Variants in PGPEP1L observed in about 807,000 individuals in gnomAD.
The protein encoded by PGPEP1L is pyroglutamyl-peptidase I like.
Under a neutral mutation model 6.0 loss-of-function variants are expected in PGPEP1L, and 7 were observed. The observed-to-expected ratio is 1.17, with a 90% CI of 0.66 to 2.19. The LOEUF (loss-of-function observed/expected upper bound fraction) is 2.19, where lower values mean the gene tolerates loss of function less well. Ranked by LOEUF, PGPEP1L falls within the 30% of genes most tolerant of loss-of-function variation. PGPEP1L has a pLI of 0.00. For synonymous variants in PGPEP1L, 103 were observed against 83.9 expected, an observed-to-expected ratio of 1.23 and a Z score of -1.24; for missense variants, 209 against 192.5, an observed-to-expected ratio of 1.09 and a Z score of -0.51.
At chr15:98,971,465 G>A (rs960733728) in intron 2 of PGPEP1L, among the ~76,000 whole-genome samples, 2 of 152,078 alleles carry the variant, frequency 1.3e-5, no homozygotes, top group Non-Finnish European at 2.9e-5. Flanking sequence ...CTGCGCTCCA[G>A]CCTGGGTGAC....
chr15:99,000,021 C>T (rs540022605), intron 2 of PGPEP1L, among the ~76,000 whole-genome samples: 1 of 152,364 alleles, frequency 6.6e-6, no homozygotes, highest in East Asian at 1.9e-4. Flanking sequence ...CCAGCGCCAG[C>T]TCTCTCAGCT....
chr15:98,968,229 T>G lies in PGPEP1L; in HGVS notation c.*249A>C. 2.2e-6 allele frequency: 1 copy of G among 448,930 alleles called. No homozygotes were observed. Among genetic ancestry groups the G allele is most frequent in the African/African-American group, 2.0e-5 (1 of 50,646 alleles). The allele number at this position is 448,930 out of a possible 1,614,324, so 27.8% of individuals were successfully genotyped here. On this transcript the variant is annotated 3_prime_UTR_variant, in exon 5 of 5. Coordinates refer to ENST00000535714, the MANE Select transcript of PGPEP1L (RefSeq NM_001167902.2). ...GTGTAGATTTTTGGAAGAAAACAGA[T>G]GACTCGGATTTCATTTTATTGTCAT...
At chr15:98,980,520 T>TA (rs1855644041) in intron 2 of PGPEP1L, among the ~76,000 whole-genome samples, 2 of 152,210 alleles carry the variant, frequency 1.3e-5, no homozygotes, top group South Asian at 4.1e-4. Context: ...GCACTTGCAC[T>TA]CCCAGTAACC....
chr15:99,005,524 C>T lies in PGPEP1L; in HGVS notation c.-237G>A, dbSNP rs368510643. 6.6e-6 allele frequency: 1 copy of T among 152,338 alleles called. No individual in the cohort carries two copies. The highest frequency in any genetic ancestry group is 2.4e-5 in the African/African-American group (1 of 41,476). 9.4% of individuals were successfully genotyped at this position (152,338 alleles called of 1,614,324 possible). Reference sequence around the variant, plus strand: ...CTCAGGCAGCGGCCCAGCGGCCGGGCTCTGCGCGCTCTGAGCTCCGGGCAC... The same window carrying T: ...CTCAGGCAGCGGCCCAGCGGCCGGGTTCTGCGCGCTCTGAGCTCCGGGCAC... On this transcript the variant is annotated 5_prime_UTR_variant, in exon 2 of 5. Coordinates refer to ENST00000535714, the MANE Select transcript of PGPEP1L (RefSeq NM_001167902.2).
At chr15:99,001,010 G>A (rs559961300) in intron 2 of PGPEP1L, among the ~76,000 whole-genome samples, 186 of 152,090 alleles carry the variant, frequency 1.2e-3, no homozygotes, top group African/African-American at 4.2e-3. Context: ...CCACTGGGAG[G>A]AATGAACTCC....
intron 2 of PGPEP1L, among the ~76,000 whole-genome samples, chr15:98,995,583 C>G (rs1459368321): frequency 1.3e-5 from 2 of 152,150 alleles, no homozygotes; most frequent in Non-Finnish European, 2.9e-5. Flanking sequence ...GTAATCCCAG[C>G]TACTTGGGAG....
chr15:98,985,519 CAG>C (rs975795122), intron 2 of PGPEP1L, among the ~76,000 whole-genome samples: 2 of 152,206 alleles, frequency 1.3e-5, no homozygotes, highest in African/African-American at 4.8e-5. Context: ...GCCTGGGCAA[CAG>C]AACAAGACTC....
At position 99,007,745 on chromosome 15, in the gene PGPEP1L, A is replaced by G. The variant is rs1266145446; in HGVS notation, c.-756T>C. The G allele has an allele frequency of 6.6e-6, 1 of 152,292 alleles. No homozygotes were observed. The highest frequency in any genetic ancestry group is 1.5e-5 in the Non-Finnish European group (1 of 68,082). 9.4% of individuals were successfully genotyped at this position (152,292 alleles called of 1,614,324 possible). On this transcript the variant is annotated 5_prime_UTR_variant, in exon 1 of 5. Transcript: ENST00000535714. ...GCAGCAACGGTTATTGCAAACAAGC[A>G]AAACAACAAAACTTCCACAGCACAG... is the stretch of plus-strand genomic sequence containing the variant.
At chr15:98,973,020 T>C (rs1041299030) in intron 2 of PGPEP1L, among the ~76,000 whole-genome samples, 1 of 151,532 alleles carries the variant, frequency 6.6e-6, no homozygotes, top group East Asian at 1.9e-4. Flanking sequence ...TGACAAGATA[T>C]TCCATGCAAA....
chr15:99,006,885 T>C (rs1301261617), intron 1 of PGPEP1L, among the ~76,000 whole-genome samples: 3 of 152,164 alleles, frequency 2.0e-5, no homozygotes, highest in Non-Finnish European at 4.4e-5. Flanking sequence ...TGATTCTCTG[T>C]CCCCATCTAG....
At chr15:98,994,728 C>G (rs1596525119) in intron 2 of PGPEP1L, among the ~76,000 whole-genome samples, 1 of 152,194 alleles carries the variant, frequency 6.6e-6, no homozygotes, top group Non-Finnish European at 1.5e-5. Context: ...TGAAGGACAT[C>G]CTTTAGTTGT....
intron 2 of PGPEP1L, among the ~76,000 whole-genome samples, chr15:98,994,453 A>G (rs2017860858): frequency 6.6e-6 from 1 of 152,000 alleles, no homozygotes; most frequent in African/African-American, 2.4e-5. Context: ...CAGGAGTTCA[A>G]GATCAGCCTG....
chr15:99,001,631 G>T (rs2017971669), intron 2 of PGPEP1L, among the ~76,000 whole-genome samples: 1 of 152,200 alleles, frequency 6.6e-6, no homozygotes, highest in Non-Finnish European at 1.5e-5. Context: ...CAACCTGGAT[G>T]AACCTTAAAT....
chr15:98,982,519 G>C (rs535294871), intron 2 of PGPEP1L, among the ~76,000 whole-genome samples: 2 of 152,208 alleles, frequency 1.3e-5, no homozygotes, highest in South Asian at 4.2e-4. Flanking sequence ...GGTGTAAGAC[G>C]TCATGGGAAA....
chr15:98,970,576 T>G (rs2017479289), intron 3 of PGPEP1L, among the ~76,000 whole-genome samples: 1 of 152,016 alleles, frequency 6.6e-6, no homozygotes, highest in South Asian at 2.1e-4. Context: ...GTTGTATCTG[T>G]TTTTTATACA....
chr15:98,974,774 T>C (rs143958382), intron 2 of PGPEP1L, among the ~76,000 whole-genome samples: 157 of 152,242 alleles, frequency 1.0e-3, no homozygotes, highest in African/African-American at 3.7e-3. Flanking sequence ...CACACATCTG[T>C]AGTCCCAGCT....
Position 98,969,640 on chromosome 15 carries a change from A to T in PGPEP1L, c.-7T>A. 1 of 1,611,470 alleles carries T rather than the reference A, an allele frequency of 6.2e-7. No individual in the cohort carries two copies. The highest frequency in any genetic ancestry group is 8.5e-7 in the Non-Finnish European group (1 of 1,179,848). ...CCTTGGCGGCGGTGTCCATGCCCAC[A>T]TGCACGACGAGCTGTGTGAACGGGT... On this transcript the variant is annotated 5_prime_UTR_variant, in exon 4 of 5. An upstream start codon of the reference 5' UTR is lost. Transcript: ENST00000535714.
intron 2 of PGPEP1L, among the ~76,000 whole-genome samples, chr15:98,976,147 A>C (rs956927628): frequency 2.0e-4 from 31 of 152,230 alleles, no homozygotes; most frequent in African/African-American, 7.2e-4. Context: ...GATAGTAATG[A>C]TAGTTGTACA....
chr15:98,985,728 T>A (rs1047159649), intron 2 of PGPEP1L, among the ~76,000 whole-genome samples: 3 of 152,188 alleles, frequency 2.0e-5, no homozygotes, highest in Non-Finnish European at 4.4e-5. Flanking sequence ...TCAGGCCAGA[T>A]GTGCAACCTC....
Sources: gnomAD v4.1 joint callset for allele counts (sites outside exome capture counted in the v4.1 genomes callset) on GRCh38, gnomAD v4.1.1 for gene constraint, MANE v1.5 for transcripts, NCBI Gene and HGNC (gene_info 2026-07-23, HGNC 2026-07-21) for gene names.